NAV3: variants seen among roughly 807,000 people sequenced by gnomAD.
NAV3 encodes pore membrane and/or filament interacting like protein 1.
NAV3 carries 87 observed loss-of-function variants against 244.7 expected under a neutral mutation model. The observed-to-expected ratio is 0.36, with a 90% CI of 0.30 to 0.42. The LOEUF is 0.42. Among genes scored for constraint, NAV3 ranks in the 20% least tolerant of loss-of-function variants. NAV3 has a pLI of 1.00. For synonymous variants in NAV3, 1,126 were observed against 1,042.2 expected (o/e 1.08, Z -1.55); for missense variants, 2,663 against 2,893.3 (o/e 0.92, Z 1.83).
At chr12:77,578,254 A>G (rs773197917) in intron 2 of NAV3, among the ~76,000 whole-genome samples, 1 of 152,146 alleles carries the variant, frequency 6.6e-6, no homozygotes, top group Non-Finnish European at 1.5e-5. Context: ...ACCTACACTA[A>G]ACCTATTGAA....
intron 1 of NAV3, among the ~76,000 whole-genome samples, chr12:77,834,221 C>G (rs1422151796): frequency 6.6e-6 from 1 of 152,156 alleles, no homozygotes; most frequent in African/African-American, 2.4e-5. Flanking sequence ...GGGACCCCAT[C>G]TTTCTCTACA....
At chr12:77,608,073 G>T (rs369021276) in intron 2 of NAV3, among the ~76,000 whole-genome samples, 1 of 152,074 alleles carries the variant, frequency 6.6e-6, no homozygotes, top group South Asian at 2.1e-4. Context: ...AGACTTGAAA[G>T]ACTTTCAAAG....
intron 12 of NAV3, among the ~76,000 whole-genome samples, chr12:78,067,990 G>A (rs942491802): frequency 2.0e-5 from 3 of 151,860 alleles, no homozygotes; most frequent in Non-Finnish European, 4.4e-5. Context: ...GGAGAAAAGA[G>A]GAGGAGGAAG....
In NAV3 at chr12:77,794,854, A is replaced by C. The variant is rs561850255; in HGVS notation, c.73-145465A>C. 5.3e-5 allele frequency among the ~76,000 whole-genome samples: 8 copies of C among 152,334 alleles called. No individual in the cohort carries two copies. The South Asian group carries it at 1.4e-3, about 28-fold the overall frequency. The stretch of plus-strand genomic sequence containing the variant: ...CGTGCTCATAAAAAATGGCAAACTT[A>C]ATTGATAGATGCTGTGTGTTTCTGA... On this transcript the variant is annotated intron_variant, in intron 2 of 8. Transcript: ENST00000550042.
chr12:77,718,154 G>A (rs1012640053), intron 2 of NAV3, among the ~76,000 whole-genome samples: 10 of 152,150 alleles, frequency 6.6e-5, no homozygotes, highest in African/African-American at 1.7e-4. Context: ...TCAGTACCAA[G>A]ACCAAATTTA....
rs1254794920 is a variant in NAV3, at chr12:78,122,201, C to T, written c.4011C>T (p.His1337=). ...TGGCCTCCAGCCCAGCATCGGTTCACTCTTTCACATCAGGTGGTCTCGTGT... is the reference window on the plus strand; with the variant it reads ...TGGCCTCCAGCCCAGCATCGGTTCATTCTTTCACATCAGGTGGTCTCGTGT... ...HSLASSPASV[H]SFTSGGLVWA... The change falls in exon 16 of 40, where the codon CAC becomes CAT. Residue 1337 remains histidine, a synonymous_variant. Transcript: ENST00000397909. 1.9e-6 allele frequency: 3 copies of T among 1,614,058 alleles called. No homozygotes were observed. The highest frequency in any genetic ancestry group is 2.5e-6 in the Non-Finnish European group (3 of 1,180,032).
At chr12:78,162,290 C>T (rs1957576901) in intron 23 of NAV3, among the ~76,000 whole-genome samples, 1 of 152,008 alleles carries the variant, frequency 6.6e-6, no homozygotes, top group Non-Finnish European at 1.5e-5. Flanking sequence ...CTTAAACTCC[C>T]TTCCCCAAGT....
intron 2 of NAV3, among the ~76,000 whole-genome samples, chr12:77,684,046 C>G (rs868460008): frequency 6.6e-6 from 1 of 152,156 alleles, no homozygotes; most frequent in African/African-American, 2.4e-5. Context: ...CAATTTTACA[C>G]TCCCACTAGC....
chr12:77,708,776 A>G (rs992520621), intron 2 of NAV3, among the ~76,000 whole-genome samples: 1 of 152,122 alleles, frequency 6.6e-6, no homozygotes, highest in African/African-American at 2.4e-5. Flanking sequence ...GGTCCTTCAC[A>G]TCCCTTGTAA....
intron 1 of NAV3, among the ~76,000 whole-genome samples, chr12:77,920,832 A>C (rs1887641344): frequency 6.6e-6 from 1 of 152,072 alleles, no homozygotes; most frequent in Non-Finnish European, 1.5e-5. Flanking sequence ...ATCAGAAAAT[A>C]ATGTCAGATT....
intron 7 of NAV3, among the ~76,000 whole-genome samples, chr12:78,003,819 G>A (rs1161662502): frequency 2.0e-5 from 3 of 152,208 alleles, no homozygotes; most frequent in Admixed American, 1.3e-4. Context: ...AAGTGTGAAC[G>A]AATATCTATT....
chr12:78,118,848 T>A (rs1056765986), intron 14 of NAV3, among the ~76,000 whole-genome samples: 2 of 152,208 alleles, frequency 1.3e-5, no homozygotes, highest in African/African-American at 4.8e-5. Context: ...AATGCCTAAT[T>A]ATAAATAGTG....
intron 2 of NAV3, among the ~76,000 whole-genome samples, chr12:77,688,229 C>T (rs907045670): frequency 6.6e-6 from 1 of 151,882 alleles, no homozygotes; most frequent in Non-Finnish European, 1.5e-5. Flanking sequence ...TTATCTGAAG[C>T]ATAATTCTTA....
At position 78,180,967 on chromosome 12, in the gene NAV3, A is replaced by G; in HGVS notation, c.5614A>G (p.Ser1872Gly). ...TCGGCCACCGTCAGAATCCTCAAGC[A>G]GCACCTCCTCTTCATCTTCCAGGCA... ...PTRPPSESSSSTSSSSSRQSL... is the reference protein window; with the variant it reads ...PTRPPSESSSGTSSSSSRQSL... The change falls in exon 30 of 40, where the codon AGC becomes GGC. Residue 1872 changes from serine (S) to glycine (G), a missense_variant. This residue lies in a region of NAV3 where 543 missense variants were observed against 672.4 expected (regional missense o/e 0.81). Transcript: ENST00000397909. 2 of 1,613,358 alleles carry G rather than the reference A, an allele frequency of 1.2e-6. No individual in the cohort carries two copies. The highest frequency in any genetic ancestry group is 1.7e-6 in the Non-Finnish European group (2 of 1,179,500).
intron 2 of NAV3, among the ~76,000 whole-genome samples, chr12:77,687,356 G>C (rs1348702557): frequency 6.6e-6 from 1 of 151,930 alleles, no homozygotes; most frequent in Non-Finnish European, 1.5e-5. Flanking sequence ...TGCTTGTTGT[G>C]GGGTGGTAGG....
At chr12:77,899,334 G>A (rs923874166) in intron 1 of NAV3, among the ~76,000 whole-genome samples, 1 of 152,196 alleles carries the variant, frequency 6.6e-6, no homozygotes, top group Non-Finnish European at 1.5e-5. Flanking sequence ...TTTCATGAAA[G>A]TCAGTTGATG....
At chr12:77,599,283 G>T (rs568921072) in intron 2 of NAV3, among the ~76,000 whole-genome samples, 10 of 151,998 alleles carry the variant, frequency 6.6e-5, no homozygotes, top group African/African-American at 2.4e-4. Context: ...TTATAATTCA[G>T]ATGATCTTGA....
intron 1 of NAV3, among the ~76,000 whole-genome samples, chr12:77,849,487 C>T (rs1407634593): frequency 1.3e-5 from 2 of 152,094 alleles, no homozygotes; most frequent in African/African-American, 4.8e-5. Flanking sequence ...TGGAAAATTC[C>T]ATACCTGATT....
At chr12:77,769,986 A>T (rs565985326) in intron 2 of NAV3, among the ~76,000 whole-genome samples, 1 of 152,320 alleles carries the variant, frequency 6.6e-6, no homozygotes, top group Non-Finnish European at 1.5e-5. Context: ...TAGGTCAGAC[A>T]TTTCTGTTTA....
Sources: gnomAD v4.1 joint callset for allele counts (sites outside exome capture counted in the v4.1 genomes callset) on GRCh38, gnomAD v4.1.1 for gene constraint, gnomAD v4.1.1 regional missense constraint, MANE v1.5 for transcripts, NCBI Gene and HGNC (gene_info 2026-07-23, HGNC 2026-07-21) for gene names.